Variants in STK3 observed in about 807,000 individuals in gnomAD.
The protein encoded by STK3 is serine/threonine-protein kinase 3.
In STK3, 41 loss-of-function variants were observed where a neutral mutation model predicts 58.0. That is an observed-to-expected ratio of 0.71 (90% CI 0.55 to 0.92). The LOEUF (loss-of-function observed/expected upper bound fraction) is 0.92, where lower values mean the gene tolerates loss of function less well. STK3 is among the 40% of genes least tolerant of loss of function. The pLI, the probability that STK3 is intolerant of heterozygous loss-of-function variation, is 0.00. For synonymous variants in STK3, 170 were observed against 191.0 expected, an observed-to-expected ratio of 0.89 and a Z score of 0.91; for missense variants, 479 against 602.7, an observed-to-expected ratio of 0.79 and a Z score of 2.15.
At chr8:98,839,051 G>C (rs961146992) in intron 3 of STK3, among the ~76,000 whole-genome samples, 3 of 82,216 alleles carry the variant, frequency 3.6e-5, no homozygotes, top group South Asian at 6.1e-4. Context: ...TTGATTTTTG[G>C]GGGGGGGCGG....
At chr8:98,897,435 C>T (rs1838495789) in intron 1 of STK3, among the ~76,000 whole-genome samples, 1 of 151,858 alleles carries the variant, frequency 6.6e-6, no homozygotes, top group East Asian at 1.9e-4. Flanking sequence ...TCACGGCGGA[C>T]GCCTGTAGTC....
Position 98,593,896 on chromosome 8 carries a change from C to A in STK3, c.822+2136G>T, listed in dbSNP as rs542851165. 6.0e-5 allele frequency among the ~76,000 whole-genome samples: 9 copies of A among 151,034 alleles called. No individual in the cohort carries two copies. The South Asian group carries it at 8.4e-4, about 14-fold the overall frequency. On this transcript the variant is annotated intron_variant, in intron 7 of 10. Coordinates refer to ENST00000419617, the MANE Select transcript of STK3 (RefSeq NM_006281.4). ...GCCAAAGATAATTATCCTACCCCCC[C>A]AAAAAAAAATTTAAATCAGAAGTTT...
At chr8:98,714,003 C>T (rs929438627) in intron 4 of STK3, among the ~76,000 whole-genome samples, 22 of 152,228 alleles carry the variant, frequency 1.4e-4, no homozygotes, top group Middle Eastern at 3.4e-3. Context: ...CATAATCCAG[C>T]ATATAAACAG....
intron 10 of STK3, among the ~76,000 whole-genome samples, chr8:98,473,791 T>C (rs936102657): frequency 2.6e-5 from 4 of 152,190 alleles, no homozygotes; most frequent in South Asian, 2.1e-4. Context: ...ATCTCCTTTA[T>C]TGGCTTCTTC....
At chr8:98,370,548 C>T (rs145441884), downstream of STK3, among the ~76,000 whole-genome samples, 38 of 152,216 alleles carry the variant, frequency 2.5e-4, no homozygotes, top group Admixed American at 7.2e-4. Flanking sequence ...CATCATCTCC[C>T]GGCTACTCAG....
chr8:98,468,407 G>C (rs1224601754), intron 10 of STK3, among the ~76,000 whole-genome samples: 1 of 152,172 alleles, frequency 6.6e-6, no homozygotes, highest in Non-Finnish European at 1.5e-5. Flanking sequence ...CCCATGAAGA[G>C]ATTCAGATAT....
chr8:98,840,580 AATGTATATATATATAT>A (rs1564053550), intron 3 of STK3, among the ~76,000 whole-genome samples: 1 of 77,120 alleles, frequency 1.3e-5, no homozygotes, highest in Non-Finnish European at 2.5e-5. Flanking sequence ...TCAAGAAAAA[AATGTATATATATATAT>A]ATATATATAT....
At chr8:98,542,677 C>T (rs1318999128) in intron 9 of STK3, among the ~76,000 whole-genome samples, 3 of 152,060 alleles carry the variant, frequency 2.0e-5, no homozygotes, top group African/African-American at 7.2e-5. Context: ...CCGGATGCTC[C>T]CTCTTATCAA....
intron 6 of STK3, among the ~76,000 whole-genome samples, chr8:98,700,989 C>A (rs541516517): frequency 6.6e-6 from 1 of 151,942 alleles, no homozygotes; most frequent in Non-Finnish European, 1.5e-5. Flanking sequence ...GGTGACACAG[C>A]GAGAATCCAT....
intron 1 of STK3, among the ~76,000 whole-genome samples, chr8:98,440,564 C>CGTGT (rs59209840): frequency 1.1e-4 from 17 of 150,056 alleles, no homozygotes; most frequent in East Asian, 5.9e-4. Context: ...TACATAAGCA[C>CGTGT]GTGTGTGTGT....
chr8:98,551,567 C>T (rs1302257699), intron 8 of STK3, among the ~76,000 whole-genome samples: 1 of 152,138 alleles, frequency 6.6e-6, no homozygotes, highest in Non-Finnish European at 1.5e-5. Context: ...TCACAAAAGA[C>T]TGCCAGAACC....
chr8:98,372,426 T>G (rs1312816912), intron 2 of STK3, among the ~76,000 whole-genome samples: 1 of 152,096 alleles, frequency 6.6e-6, no homozygotes, highest in Non-Finnish European at 1.5e-5. Flanking sequence ...CCCCGGCCCC[T>G]CCACCCACTC....
chr8:98,905,705 T>C, intron 1 of STK3: 1 of 648,586 alleles, frequency 1.5e-6, no homozygotes, highest in East Asian at 3.0e-5. Flanking sequence ...GCGGCGGAGG[T>C]AGCTCCTGCG....
chr8:98,369,816 G>A (rs867079124), downstream of STK3, among the ~76,000 whole-genome samples: 2 of 152,250 alleles, frequency 1.3e-5, no homozygotes, highest in African/African-American at 4.8e-5. Flanking sequence ...GTATTAAAAA[G>A]GTTTATTGCT....
rs1279208453 is a variant in STK3 at position 98,721,301 on chromosome 8, G to GT, written c.352-13991dup. ...AAGAAAGAATTATGAGAACTTATTA[G>GT]TTTTGTCTACACAAAAACTTAAAAT... On this transcript the variant is annotated intron_variant, in intron 4 of 10. Coordinates refer to ENST00000419617, the MANE Select transcript of STK3 (RefSeq NM_006281.4). 25 of 197,226 alleles carry GT rather than the reference G, an allele frequency of 1.3e-4. No homozygotes were observed. In the East Asian group the frequency reaches 4.7e-3, roughly 37 times the overall value. 12.2% of individuals were successfully genotyped at this position (197,226 alleles called of 1,614,324 possible).
At chr8:98,884,032 G>A (rs963289933) in intron 1 of STK3, among the ~76,000 whole-genome samples, 16 of 151,990 alleles carry the variant, frequency 1.1e-4, no homozygotes, top group African/African-American at 3.4e-4. Context: ...TGTAAGCTCC[G>A]GACAGCCAAT....
chr8:98,563,163 AGTGTAACTGATAAT>A (rs1294973875), intron 8 of STK3, among the ~76,000 whole-genome samples: 1 of 152,156 alleles, frequency 6.6e-6, no homozygotes, highest in Non-Finnish European at 1.5e-5. Flanking sequence ...ATACATAAGC[AGTGTAACTGATAAT>A]GTTGTTTTCC....
intron 3 of STK3, among the ~76,000 whole-genome samples, chr8:98,851,068 C>T (rs1424166064): frequency 6.6e-6 from 1 of 152,124 alleles, no homozygotes; most frequent in Non-Finnish European, 1.5e-5. Context: ...CTTCATATAG[C>T]TAAAACCTCC....
chr8:98,429,206 C>T (rs1172292888), intron 3 of STK3: 1 of 1,613,934 alleles, frequency 6.2e-7, no homozygotes, highest in Non-Finnish European at 8.5e-7. Flanking sequence ...TCACCTTGAT[C>T]TTCAATAAGT....
Sources: gnomAD v4.1 joint callset for allele counts (sites outside exome capture counted in the v4.1 genomes callset) on GRCh38, gnomAD v4.1.1 for gene constraint, MANE v1.5 for transcripts, NCBI Gene and HGNC (gene_info 2026-07-23, HGNC 2026-07-21) for gene names.